Variants in AMD1 observed in about 807,000 individuals in gnomAD.
The protein encoded by AMD1 is S-adenosylmethionine decarboxylase proenzyme.
A neutral mutation model predicts 40.2 loss-of-function variants in AMD1; 11 were observed. The ratio of observed to expected loss-of-function variants is 0.27; its 90% CI spans 0.17 to 0.45. AMD1 has a LOEUF of 0.45. Ranked by LOEUF, AMD1 falls within the 20% of genes least tolerant of loss-of-function variation. The probability of loss-of-function intolerance (pLI) is 1.00; values close to 1 mark genes in which losing one functional copy is unlikely to be tolerated. For synonymous variants in AMD1, 121 were observed against 130.8 expected, an observed-to-expected ratio of 0.93 and a Z score of 0.51; for missense variants, 257 against 410.2, an observed-to-expected ratio of 0.63 and a Z score of 3.23.
chr6:110,853,363 A>T, the AMD1 span, among the ~76,000 whole-genome samples: 1 of 150,634 alleles, frequency 6.6e-6, no homozygotes, highest in African/African-American at 2.4e-5. Flanking sequence ...GCTGGAGTGC[A>T]GTAGCGTGAT....
At chr6:110,884,387 A>G (rs1785572380) in intron 1 of AMD1, among the ~76,000 whole-genome samples, 1 of 152,234 alleles carries the variant, frequency 6.6e-6, no homozygotes, top group African/African-American at 2.4e-5. Context: ...ACCAACCTCA[A>G]GGTGACATGG....
chr6:110,889,964 G>A, intron 3 of AMD1: 1 of 257,100 alleles, frequency 3.9e-6, no homozygotes, highest in Non-Finnish European at 7.4e-6. Context: ...TATACTTGGT[G>A]TTAATAGTTG....
At chr6:110,848,924 T>C in the AMD1 span, among the ~76,000 whole-genome samples, 1 of 149,296 alleles carries the variant, frequency 6.7e-6, no homozygotes, top group East Asian at 1.9e-4. Flanking sequence ...GGCAAGAGGA[T>C]TGAGCCAGGA....
chr6:110,867,003 C>T, the AMD1 span, among the ~76,000 whole-genome samples: 10 of 151,850 alleles, frequency 6.6e-5, no homozygotes, highest in African/African-American at 2.4e-4. Flanking sequence ...TTAGTAGAGA[C>T]GGGGTTTCAC....
At chr6:110,864,743 C>A in the AMD1 span, among the ~76,000 whole-genome samples, 2 of 152,218 alleles carry the variant, frequency 1.3e-5, no homozygotes, top group African/African-American at 4.8e-5. Context: ...GTTTCTGTGA[C>A]TTCATTTTGT....
chr6:110,845,971 A>G, the AMD1 span, among the ~76,000 whole-genome samples: 340 of 152,290 alleles, frequency 2.2e-3, 1 homozygote, highest in East Asian at 0.029. Flanking sequence ...GCCGGGCGTG[A>G]TGGCTCACGC....
intron 1 of AMD1, among the ~76,000 whole-genome samples, chr6:110,877,339 A>G (rs1201783625): frequency 6.6e-6 from 1 of 152,206 alleles, no homozygotes; most frequent in African/African-American, 2.4e-5. Context: ...TTCAGTGACC[A>G]CTCAAGTGGT....
chr6:110,844,975 T>C, the AMD1 span, among the ~76,000 whole-genome samples: 3 of 147,370 alleles, frequency 2.0e-5, no homozygotes, highest in Non-Finnish European at 4.5e-5. Context: ...GCAAATCACA[T>C]GGAGAGAGAG....
In AMD1 at chr6:110,895,438, G is replaced by A. The variant is rs1317445870; in HGVS notation, c.*1822G>A. ...CAATAGATTTGTTGACTTGAGGTCT[G>A]GTTTGGTTTTGTTTTTGTTTTGTTT... On this transcript the variant is annotated 3_prime_UTR_variant, in exon 9 of 9. Transcript: ENST00000368885. 7.0e-6 allele frequency: 1 copy of A among 142,946 alleles called. No individual in the cohort carries two copies. The highest frequency in any genetic ancestry group is 1.5e-5 in the Non-Finnish European group (1 of 65,948). The allele number at this position is 142,946 out of a possible 1,614,324, so 8.9% of individuals were successfully genotyped here.
the AMD1 span, among the ~76,000 whole-genome samples, chr6:110,832,694 G>A: frequency 6.6e-6 from 1 of 152,142 alleles, no homozygotes; most frequent in Non-Finnish European, 1.5e-5. Context: ...ACTCAGAATA[G>A]TAATTTTTAA....
the AMD1 span, among the ~76,000 whole-genome samples, chr6:110,835,828 G>A: frequency 6.6e-6 from 1 of 151,622 alleles, no homozygotes; most frequent in Non-Finnish European, 1.5e-5. Context: ...TCATCCCACT[G>A]TACTTCAGCC....
the AMD1 span, chr6:110,858,186 C>CT: frequency 3.0e-6 from 2 of 659,232 alleles, no homozygotes; most frequent in Non-Finnish European, 5.5e-6. Flanking sequence ...AGCCCCGCGC[C>CT]TGCCAGGCCG....
chr6:110,814,622 T>C, the AMD1 span: 1 of 472,506 alleles, frequency 2.1e-6, no homozygotes, highest in Non-Finnish European at 4.2e-6. Context: ...CGACCGTCAC[T>C]ACCCAGGGCC....
chr6:110,819,056 A>G, the AMD1 span, among the ~76,000 whole-genome samples: 2 of 152,120 alleles, frequency 1.3e-5, no homozygotes, highest in Admixed American at 1.3e-4. Flanking sequence ...TTGCAATAGG[A>G]CGGTAAAAAC....
the AMD1 span, chr6:110,858,257 A>G: frequency 1.0e-6 from 1 of 953,018 alleles, no homozygotes; most frequent in Admixed American, 2.0e-5. Flanking sequence ...CACGCAGTTC[A>G]ACAAGGACCC....
At chr6:110,840,257 C>T in the AMD1 span, among the ~76,000 whole-genome samples, 2 of 151,988 alleles carry the variant, frequency 1.3e-5, no homozygotes, top group African/African-American at 4.8e-5. Context: ...ATTTTATTAA[C>T]CAGTTGGGTG....
intron 1 of AMD1, among the ~76,000 whole-genome samples, chr6:110,885,034 G>A (rs1273381698): frequency 6.6e-6 from 1 of 152,210 alleles, no homozygotes; most frequent in Non-Finnish European, 1.5e-5. Flanking sequence ...ATTCAGGAAT[G>A]GGAGTCTTAA....
the AMD1 span, among the ~76,000 whole-genome samples, chr6:110,838,307 T>TGGAGGCAGGA: frequency 6.6e-6 from 1 of 151,604 alleles, no homozygotes; most frequent in Non-Finnish European, 1.5e-5. Context: ...GAGAATCGCT[T>TGGAGGCAGGA]GAACCCAGGA....
chr6:110,882,516 T>A (rs576900320), intron 1 of AMD1, among the ~76,000 whole-genome samples: 1 of 152,330 alleles, frequency 6.6e-6, no homozygotes, highest in South Asian at 2.1e-4. Context: ...GTGATAGAAA[T>A]AATTTGTGCT....
Sources: gnomAD v4.1 joint callset for allele counts (sites outside exome capture counted in the v4.1 genomes callset) on GRCh38, gnomAD v4.1.1 for gene constraint, MANE v1.5 for transcripts, NCBI Gene and HGNC (gene_info 2026-07-23, HGNC 2026-07-21) for gene names.